MAN2B1: variants seen among roughly 807,000 people sequenced by gnomAD.
The protein encoded by MAN2B1 is mannosidase alpha class 2B member 1.
MAN2B1 carries 99 observed loss-of-function variants against 127.5 expected under a neutral mutation model. The ratio of observed to expected loss-of-function variants is 0.78; its 90% CI spans 0.66 to 0.92. MAN2B1 has a LOEUF of 0.92. Ranked by LOEUF, MAN2B1 falls within the 40% of genes least tolerant of loss-of-function variation. The pLI is 0.00. For synonymous variants in MAN2B1, 573 were observed against 568.8 expected, an observed-to-expected ratio of 1.01 and a Z score of -0.11; for missense variants, 1,304 against 1,384.8, an observed-to-expected ratio of 0.94 and a Z score of 0.93.
Position 12,664,786 on chromosome 19 carries a change from T to A in MAN2B1, c.630+6A>T, listed in dbSNP as rs372899975. 4.4e-4 allele frequency: 710 copies of A among 1,611,194 alleles called. 2 individuals are homozygous for A. Among genetic ancestry groups the A allele is most frequent in the Non-Finnish European group, 5.9e-4 (691 of 1,179,022 alleles). ...AAGTGGGCCCAAGAGAGGTCCCGGG[T>A]CGCACCTGCGCAAACAGCGAGGCCT... is the stretch of plus-strand genomic sequence containing the variant. On this transcript the variant is annotated splice_donor_region_variant and intron_variant, in intron 4 of 23. Coordinates refer to ENST00000456935, the MANE Select transcript of MAN2B1 (RefSeq NM_000528.4).
At chr19:12,656,901 C>T (rs979106044) in intron 12 of MAN2B1, 48 bp downstream of exon 12, 4 of 1,436,590 alleles carry the variant, frequency 2.8e-6, no homozygotes, top group Non-Finnish European at 3.9e-6. Flanking sequence ...CCAACTACCC[C>T]CTCTAAAGCC....
chr19:12,666,275 A>ACCT (rs2024235813), intron 1 of MAN2B1, among the ~76,000 whole-genome samples: 1 of 151,740 alleles, frequency 6.6e-6, no homozygotes, highest in Admixed American at 6.6e-5. Flanking sequence ...ACCCCCTGCC[A>ACCT]CCTCCTGCCC....
In MAN2B1 at chr19:12,652,473, G is replaced by T; in HGVS notation, c.1831-13C>A. 1 of 1,595,792 alleles carries T rather than the reference G, an allele frequency of 6.3e-7. No individual in the cohort carries two copies. Among genetic ancestry groups the T allele is most frequent in the Non-Finnish European group, 8.6e-7 (1 of 1,163,440 alleles). ...TTGCCCGGATGTGCTGGGCAGAAAA[G>T]GGTCCACAGATGGGTTTGTGTGTGT... On this transcript the variant is annotated splice_polypyrimidine_tract_variant and intron_variant, in intron 14 of 23. Transcript: ENST00000456935.
chr19:12,649,503 A>ATGGAGTCTCGCTCTGTCACCCAGGC, intron 18 of MAN2B1, 75 bp from the exon 19 acceptor site: 1 of 363,744 alleles, frequency 2.7e-6, no homozygotes, highest in Non-Finnish European at 4.3e-6. Context: ...TTTTTTTGAG[A>ATGGAGTCTCGCTCTGTCACCCAGGC]TGGAGTCTCG....
rs937174343 is a variant in MAN2B1, at chr19:12,647,855, C to T, written c.2665-257G>A. Among the ~76,000 whole-genome samples, 7 of 138,264 alleles carry T rather than the reference C, an allele frequency of 5.1e-5. No individual in the cohort carries two copies. The highest frequency in any genetic ancestry group is 1.9e-4 in the African/African-American group (7 of 37,228). 90.7% of individuals were successfully genotyped at this position (138,264 alleles called of 152,430 possible). On this transcript the variant is annotated intron_variant, in intron 21 of 23. Transcript: ENST00000456935. The surrounding 1 kb of genome is among the most constrained non-coding windows in gnomAD (Gnocchi z 4.9). ...TGACCTGAGACTTTGGGAGTTACGG[C>T]GGGGCTGAAGCCGCGGGGCTGGGTG... is the stretch of plus-strand genomic sequence containing the variant.
chr19:12,656,407 G>A (rs952463302), intron 13 of MAN2B1, 164 bp downstream of exon 13: 55 of 634,798 alleles, frequency 8.7e-5, no homozygotes, highest in Non-Finnish European at 1.1e-4. Context: ...ATGTTCCCAA[G>A]GGGAGACTGA....
chr19:12,663,370 C>G lies in MAN2B1; in HGVS notation c.856G>C (p.Glu286Gln). Residue 286 changes from glutamate to glutamine, a missense_variant, in exon 6 of 24, where the codon GAG becomes CAG. By Grantham distance (29) the Glu-to-Gln change is conservative. Transcript: ENST00000456935. ...TCGACCAGCTCCTTGGCGTTGTACT[C>G]GGGGCTGCGAGGGTCCTCCACCAGC... ...QPLVEDPRSPEYNAKELVDYF... is the reference protein window; with the variant it reads ...QPLVEDPRSPQYNAKELVDYF... 6.2e-7 allele frequency: 1 copy of G among 1,614,098 alleles called. No homozygotes were observed. Among genetic ancestry groups the G allele is most frequent in the Non-Finnish European group, 8.5e-7 (1 of 1,179,990 alleles).
At chr19:12,657,717 G>A in intron 10 of MAN2B1, 162 bp from the exon 11 acceptor site, 1 of 698,746 alleles carries the variant, frequency 1.4e-6, no homozygotes, top group East Asian at 2.7e-5. Context: ...CCAGCACTTT[G>A]AGAGACCGAG....
At position 12,647,155 on chromosome 19, in the gene MAN2B1, C is replaced by T. The variant is rs1391569901; in HGVS notation, c.2923+78G>A. 2 of 1,341,680 alleles carry T rather than the reference C, an allele frequency of 1.5e-6. No homozygotes were observed. Among genetic ancestry groups the T allele is most frequent in the Non-Finnish European group, 2.1e-6 (2 of 933,246 alleles). 83.1% of individuals were successfully genotyped at this position (1,341,680 alleles called of 1,614,324 possible). A position where few individuals can be genotyped will look rare whatever the true frequency, so the allele number is the denominator to read the frequency against. ...ACCTTTTTGGGTCCTGGCCAACATC[C>T]CATGCCTCACACATTGCCCCCACCT... On this transcript the variant is annotated intron_variant, in intron 23 of 23. Coordinates refer to ENST00000456935, the MANE Select transcript of MAN2B1 (RefSeq NM_000528.4). This position sits in a 1 kb window ranked among gnomAD's most constrained non-coding sequence, Gnocchi z 4.9.
At chr19:12,655,187 G>C (rs532696857) in intron 14 of MAN2B1, among the ~76,000 whole-genome samples, 1 of 152,144 alleles carries the variant, frequency 6.6e-6, no homozygotes, top group Non-Finnish European at 1.5e-5. Flanking sequence ...ACTGGCAAAA[G>C]CCAAAGTCTT....
chr19:12,660,748 C>T (rs1486112931), intron 7 of MAN2B1: 6 of 166,782 alleles, frequency 3.6e-5, no homozygotes, highest in Admixed American at 1.8e-4. Context: ...GAGACTCAGG[C>T]TGGATTTTTT....
Position 12,666,551 on chromosome 19 carries a change from C to A in MAN2B1, c.151G>T (p.Gly51Ter). 1 of 1,584,758 alleles carries A rather than the reference C, an allele frequency of 6.3e-7. No individual in the cohort carries two copies. The highest frequency in any genetic ancestry group is 8.6e-7 in the Non-Finnish European group (1 of 1,165,942). Residue 51 changes from glycine (G) to a stop codon, truncating the protein, a stop_gained, in exon 1 of 24, where the codon GGA (glycine) becomes TGA (stop). Transcript: ENST00000456935. LOFTEE classifies it high-confidence loss of function. ...LLAAAGARAG[G>*]YETCPTVQPN... ...TCGGAGGCCCCACTCACCTCGTATCCCCCGGCCCGAGCACCGGCAGCCGCC... is the reference window on the plus strand; with the variant it reads ...TCGGAGGCCCCACTCACCTCGTATCACCCGGCCCGAGCACCGGCAGCCGCC...
At chr19:12,652,832 G>A (rs903358033) in intron 14 of MAN2B1, among the ~76,000 whole-genome samples, 15 of 106,060 alleles carry the variant, frequency 1.4e-4, no homozygotes, top group Admixed American at 8.0e-4. Flanking sequence ...GTGCCCAGCC[G>A]GATTTTTATT....
rs914908585 is a variant in MAN2B1, at chr19:12,648,458, G to A, written c.2437-56C>T. 8 of 1,327,402 alleles carry A rather than the reference G, an allele frequency of 6.0e-6. No homozygotes were observed. In the East Asian group the frequency reaches 1.9e-4, roughly 31 times the overall value. 82.2% of individuals were successfully genotyped at this position (1,327,402 alleles called of 1,614,324 possible). A position where few individuals can be genotyped will look rare whatever the true frequency, so the allele number is the denominator to read the frequency against. ...AGTCGTGGGTTTGTGGGTGTCCTTG[G>A]GCCAGAAACTGGGTAAGGGCGTGTG... On this transcript the variant is annotated intron_variant, in intron 20 of 23. Transcript: ENST00000456935.
At chr19:12,662,114 G>A (rs1485669153) in intron 6 of MAN2B1, among the ~76,000 whole-genome samples, 1 of 151,924 alleles carries the variant, frequency 6.6e-6, no homozygotes, top group Non-Finnish European at 1.5e-5. Flanking sequence ...CAAAATGCTG[G>A]GATTATAGGC....
chr19:12,648,502 A>G (rs1046879893), intron 20 of MAN2B1, 100 bp from the exon 21 acceptor site: 1 of 864,940 alleles, frequency 1.2e-6, no homozygotes, highest in African/African-American at 1.7e-5. Flanking sequence ...AAAAGAAATT[A>G]AAGGGTGGGA....
At chr19:12,660,924 A>G (rs2024087765) in intron 7 of MAN2B1, 1 of 343,950 alleles carries the variant, frequency 2.9e-6, no homozygotes, top group Non-Finnish European at 5.7e-6. Flanking sequence ...ACACCCAGCT[A>G]ATTTCTGTAT....
At chr19:12,664,661 G>A (rs2024183482) in intron 4 of MAN2B1, 131 bp downstream of exon 4, 1 of 978,706 alleles carries the variant, frequency 1.0e-6, no homozygotes, top group African/African-American at 1.6e-5. Context: ...TCACTCAAGG[G>A]GCAGGGCTTC....
chr19:12,648,277 G>A lies in MAN2B1; in HGVS notation c.2562C>T (p.Ala854=), dbSNP rs10410289. 2.1e-5 allele frequency: 34 copies of A among 1,609,582 alleles called. No homozygotes were observed. The highest frequency in any genetic ancestry group is 5.0e-5 in the Admixed American group (3 of 59,906). The change falls in exon 21 of 24, where the codon GCC becomes GCT. Residue 854 remains alanine, a synonymous_variant. Transcript: ENST00000456935. ...CCTGCTCCGCCAGGAGCCGGTGTCC[G>A]GCGGCTGCAGCCTGGGCTGTGTCCA... The part of the protein sequence containing the change: ...VLLDTAQAAA[A]GHRLLAEQEV...
Sources: gnomAD v4.1 joint callset for allele counts (sites outside exome capture counted in the v4.1 genomes callset) on GRCh38, gnomAD v4.1.1 for gene constraint, Gnocchi (gnomAD v3.1) non-coding constraint, MANE v1.5 for transcripts, NCBI Gene and HGNC (gene_info 2026-07-23, HGNC 2026-07-21) for gene names.